Variants in DGKG observed in about 807,000 individuals in gnomAD.
DGKG encodes the protein diacylglycerol kinase gamma, also known as DAG kinase gamma.
A neutral mutation model predicts 105.3 loss-of-function variants in DGKG; 78 were observed. That is an observed-to-expected ratio of 0.74 (90% CI 0.62 to 0.89). DGKG has a LOEUF of 0.89. DGKG is among the 40% of genes least tolerant of loss of function. DGKG has a pLI of 0.00. For missense variants in DGKG, 958 were observed against 1,020.1 expected, an observed-to-expected ratio of 0.94 and a Z score of 0.83; for synonymous variants, 346 against 367.1, an observed-to-expected ratio of 0.94 and a Z score of 0.66.
At position 186,210,772 on chromosome 3, in the gene DGKG, C is replaced by G. The variant is rs921326881; in HGVS notation, c.1917+1023G>C. On this transcript the variant is annotated intron_variant, in intron 21 of 24. Transcript: ENST00000265022. This position sits in a 1 kb window ranked among gnomAD's most constrained non-coding sequence, Gnocchi z 5.2. The stretch of plus-strand genomic sequence containing the variant: ...AGCTGGTGGGCCAAGAGGAGCCCAC[C>G]CTGGCTGAACTCTCTGGCTGCCTCT... The G allele has an allele frequency of 1.2e-5, 4 of 340,924 alleles. No homozygotes were observed. Among genetic ancestry groups the G allele is most frequent in the Non-Finnish European group, 2.3e-5 (4 of 173,000 alleles). 21.1% of individuals were successfully genotyped at this position (340,924 alleles called of 1,614,324 possible).
rs538624818 is a variant in DGKG, at chr3:186,219,397, C to T, written c.1827-7512G>A. ...CACGCAGTGATCCTCAGGCACCGAG[C>T]TGTGCATGGAATCATCTTTTCCAAG... On this transcript the variant is annotated intron_variant, in intron 20 of 24. Coordinates refer to ENST00000265022, the MANE Select transcript of DGKG (RefSeq NM_001346.3). Among the ~76,000 whole-genome samples, 5 of 152,340 alleles carry T rather than the reference C, an allele frequency of 3.3e-5. No homozygotes were observed. The South Asian group carries it at 1.0e-3, about 32-fold the overall frequency.
At chr3:186,330,092 G>A (rs1348882751) in intron 1 of DGKG, among the ~76,000 whole-genome samples, 1 of 152,162 alleles carries the variant, frequency 6.6e-6, no homozygotes, top group Non-Finnish European at 1.5e-5. Context: ...GAGGAACTGG[G>A]TGATAAAAAG....
chr3:186,288,828 G>T lies in DGKG; in HGVS notation c.426C>A (p.Thr142=). ...ACCGAGGGACGGGGGGTTCCAGGGG[G>T]GTCGCAGCCACTTGGTCTTCAGCTG... is the stretch of plus-strand genomic sequence containing the variant. ...QAPAEDQVAA[T]PLEPPVPRSS... is the part of the protein sequence containing the mutation. Residue 142 remains threonine (T), a synonymous_variant, in exon 6 of 25, where the codon ACC becomes ACA. Transcript: ENST00000265022. 6 of 1,609,510 alleles carry T rather than the reference G, an allele frequency of 3.7e-6. No individual in the cohort carries two copies. The highest frequency in any genetic ancestry group is 5.1e-6 in the Non-Finnish European group (6 of 1,177,966).
chr3:186,192,113 T>G (rs934127236), intron 21 of DGKG, among the ~76,000 whole-genome samples: 2 of 152,208 alleles, frequency 1.3e-5, no homozygotes, highest in African/African-American at 4.8e-5. Flanking sequence ...GTTCAAGTCA[T>G]TCTCCTGCCT....
intron 2 of DGKG, chr3:186,313,498 A>T (rs1408893483): frequency 1.2e-5 from 12 of 985,220 alleles, no homozygotes; most frequent in Non-Finnish European, 1.3e-5. Flanking sequence ...ATTTGGCTTC[A>T]TCAGTCGTAT....
chr3:186,296,307 C>T (rs935640377), intron 5 of DGKG, among the ~76,000 whole-genome samples: 3 of 152,174 alleles, frequency 2.0e-5, no homozygotes, highest in Admixed American at 2.0e-4. Context: ...TTCAAACATG[C>T]CCACGGTTAC....
At chr3:186,238,292 TAAA>T (rs5855085) in intron 20 of DGKG, among the ~76,000 whole-genome samples, 208 of 81,274 alleles carry the variant, frequency 2.6e-3, no homozygotes, top group Non-Finnish European at 3.8e-3. Flanking sequence ...TGACTCTTTC[TAAA>T]AAAAAAAAAA....
intron 20 of DGKG, among the ~76,000 whole-genome samples, chr3:186,222,072 T>A (rs1165948024): frequency 6.6e-6 from 1 of 152,234 alleles, no homozygotes; most frequent in African/African-American, 2.4e-5. Context: ...GTGAGATGGT[T>A]GTTCCTTGGC....
intron 16 of DGKG, among the ~76,000 whole-genome samples, chr3:186,259,900 G>C (rs949216407): frequency 6.6e-6 from 1 of 152,118 alleles, no homozygotes; most frequent in Non-Finnish European, 1.5e-5. Flanking sequence ...ATGAGTAAGT[G>C]GCAGGAGGAG....
At chr3:186,316,631 C>A (rs2108636359) in intron 2 of DGKG, among the ~76,000 whole-genome samples, 1 of 152,226 alleles carries the variant, frequency 6.6e-6, no homozygotes, top group Admixed American at 6.5e-5. Flanking sequence ...TGTACGTTTA[C>A]ATACAAAGTT....
intron 14 of DGKG, among the ~76,000 whole-genome samples, chr3:186,262,933 C>A (rs1019278095): frequency 6.6e-6 from 1 of 152,234 alleles, no homozygotes; most frequent in African/African-American, 2.4e-5. Flanking sequence ...TCGAGACCAG[C>A]CTGGCCAACA....
rs574460717 is a variant in DGKG, at chr3:186,299,835, T to C, written c.145-1606A>G. ...TTTCTTTCTTTCTTTCTTTCTTTCTTTCTTTTTTTTTTTTTTTGAGATAGA... is the reference window on the plus strand; with the variant it reads ...TTTCTTTCTTTCTTTCTTTCTTTCTCTCTTTTTTTTTTTTTTTGAGATAGA... On this transcript the variant is annotated intron_variant, in intron 3 of 24. Coordinates refer to ENST00000265022, the MANE Select transcript of DGKG (RefSeq NM_001346.3). Among the ~76,000 whole-genome samples the C allele has an allele frequency of 1.3e-3, 150 of 113,286 alleles. 1 individual carries two copies. Among genetic ancestry groups the C allele is most frequent in the African/African-American group, 5.0e-3 (145 of 29,182 alleles). 74.3% of individuals were successfully genotyped at this position (113,286 alleles called of 152,430 possible). A position where few individuals can be genotyped will look rare whatever the true frequency, so the allele number is the denominator to read the frequency against.
rs556297425 is a variant in DGKG, at chr3:186,265,475, C to T, written c.1210-169G>A. 1.1e-3 allele frequency among the ~76,000 whole-genome samples: 156 copies of T among 141,660 alleles called. No homozygotes were observed. In the South Asian group the frequency reaches 0.016, roughly 14 times the overall value. 92.9% of individuals were successfully genotyped at this position (141,660 alleles called of 152,430 possible). A position where few individuals can be genotyped will look rare whatever the true frequency, so the allele number is the denominator to read the frequency against. On this transcript the variant is annotated intron_variant, in intron 13 of 24. Coordinates refer to ENST00000265022, the MANE Select transcript of DGKG (RefSeq NM_001346.3). The stretch of plus-strand genomic sequence containing the variant: ...CTTCTGACCTAAATAAAGAAATGTA[C>T]CCCTATGACTTTTTCTAGGATTCTT...
At chr3:186,257,808 C>T (rs372244052) in intron 17 of DGKG, 46 bp downstream of exon 17, 31 of 1,414,102 alleles carry the variant, frequency 2.2e-5, no homozygotes, top group African/African-American at 1.1e-4. Flanking sequence ...ATTGTAAATA[C>T]GCTTACTATA....
intron 20 of DGKG, among the ~76,000 whole-genome samples, chr3:186,233,247 A>C (rs1286324392): frequency 6.6e-6 from 1 of 152,162 alleles, no homozygotes; most frequent in East Asian, 1.9e-4. Context: ...CAGGAGAAAG[A>C]ATGTCAGGGG....
At chr3:186,253,961 C>A (rs1721341561) in intron 17 of DGKG, among the ~76,000 whole-genome samples, 1 of 152,238 alleles carries the variant, frequency 6.6e-6, no homozygotes, top group African/African-American at 2.4e-5. Context: ...ACCAGTTTGT[C>A]ACTTCCACCA....
chr3:186,149,855 T>A lies in DGKG; in HGVS notation c.*235A>T. On this transcript the variant is annotated 3_prime_UTR_variant, in exon 25 of 25. Transcript: ENST00000265022. ...CAGCCACAACCTCATGGGCCCTAAG[T>A]CCATTCAAAATGTTTTGTTGGCACT... 1 of 1,294,770 alleles carries A rather than the reference T, an allele frequency of 7.7e-7. No individual in the cohort carries two copies. The highest frequency in any genetic ancestry group is 9.8e-7 in the Non-Finnish European group (1 of 1,020,612). 80.2% of individuals were successfully genotyped at this position (1,294,770 alleles called of 1,614,324 possible).
chr3:186,218,821 T>C (rs890846548), intron 20 of DGKG, among the ~76,000 whole-genome samples: 1 of 152,180 alleles, frequency 6.6e-6, no homozygotes, highest in Non-Finnish European at 1.5e-5. Context: ...TTTCTGTATA[T>C]GAATTATAAA....
intron 20 of DGKG, among the ~76,000 whole-genome samples, chr3:186,241,625 C>A (rs999039929): frequency 6.6e-6 from 1 of 152,088 alleles, no homozygotes; most frequent in Non-Finnish European, 1.5e-5. Flanking sequence ...CCTTTAGGCT[C>A]AAAAACAAAG....
Sources: allele counts gnomAD v4.1 joint callset (sites outside exome capture counted in the v4.1 genomes callset), GRCh38; gene constraint gnomAD v4.1.1; non-coding constraint Gnocchi (gnomAD v3.1); transcripts MANE v1.5; gene names NCBI Gene and HGNC (gene_info 2026-07-23, HGNC 2026-07-21).